The following DNAAF9 variants were observed in gnomAD, a reference collection of about 807,000 sequenced individuals.
DNAAF9 encodes the protein shulin.
DNAAF9 carries 90 observed loss-of-function variants against 167.0 expected under a neutral mutation model. The observed-to-expected ratio is 0.54, with a 90% CI of 0.45 to 0.64. The LOEUF is 0.64. Ranked by LOEUF, DNAAF9 falls within the 30% of genes least tolerant of loss-of-function variation. DNAAF9 has a pLI of 0.00. For synonymous variants in DNAAF9, 491 were observed against 508.8 expected (o/e 0.96, Z 0.47); for missense variants, 1,315 against 1,442.2 (o/e 0.91, Z 1.43).
chr20:3,334,564 A>G (rs2069901248), intron 10 of DNAAF9, among the ~76,000 whole-genome samples: 1 of 152,188 alleles, frequency 6.6e-6, no homozygotes, highest in South Asian at 2.1e-4. Flanking sequence ...TTGGGTAAAT[A>G]CCAAAAAGCG....
At chr20:3,348,325 G>A (rs928009371) in intron 8 of DNAAF9, among the ~76,000 whole-genome samples, 200 bp downstream of exon 8, 1 of 152,048 alleles carries the variant, frequency 6.6e-6, no homozygotes, top group African/African-American at 2.4e-5. Flanking sequence ...CCTTCTAATG[G>A]AGAAGCTGGC....
chr20:3,295,857 CA>C (rs2069065547), intron 23 of DNAAF9: 1 of 1,002,388 alleles, frequency 1.0e-6, no homozygotes, highest in Non-Finnish European at 1.6e-6. Context: ...CCCCAAACGA[CA>C]TCCTTTAATG....
intron 26 of DNAAF9, among the ~76,000 whole-genome samples, chr20:3,289,692 G>C (rs1055152053): frequency 6.6e-6 from 1 of 151,868 alleles, no homozygotes; most frequent in South Asian, 2.1e-4. Context: ...GCTAATTTTT[G>C]TATTTTTGTA....
At position 3,300,399 on chromosome 20, in the gene DNAAF9, G is replaced by A. The variant is rs75666848; in HGVS notation, c.1783-2224C>T. Among the ~76,000 whole-genome samples the A allele has an allele frequency of 9.0e-3, 1,368 of 151,926 alleles. 19 individuals are homozygous for A. Among genetic ancestry groups the A allele is most frequent in the African/African-American group, 0.032 (1,315 of 41,426 alleles). On this transcript the variant is annotated intron_variant, in intron 21 of 36. Coordinates refer to ENST00000252032, the MANE Select transcript of DNAAF9 (RefSeq NM_001009984.3). ...CAGTGTACAAGTCTCTCACTTTCTT[G>A]GTTAAATTTATTCCCTAGTACTTTA...
intron 17 of DNAAF9, among the ~76,000 whole-genome samples, chr20:3,317,382 C>A (rs1372976144): frequency 6.6e-5 from 9 of 136,696 alleles, no homozygotes; most frequent in African/African-American, 1.4e-4. Flanking sequence ...AAAAAAAAAA[C>A]CCCAAAACCA....
chr20:3,381,479 A>C lies in DNAAF9; in HGVS notation c.183T>G (p.Asn61Lys), dbSNP rs1277827949. 1 of 1,613,890 alleles carries C rather than the reference A, an allele frequency of 6.2e-7. No individual in the cohort carries two copies. Residue 61 changes from asparagine to lysine, a missense_variant, in exon 3 of 37, where the codon AAT becomes AAG. Asn to Lys is a moderately conservative substitution (Grantham distance 94). Transcript: ENST00000252032. ...AATTTGCCAGCTCTCTGCAGCCTTC[A>C]TTGTACCTGCTATCGATTCCTGCAA... ...LCILGIDSRY[N>K]EGCRELANYL...
chr20:3,342,377 T>C lies in DNAAF9; in HGVS notation c.845+1299A>G, dbSNP rs150537322. Among the ~76,000 whole-genome samples the C allele has an allele frequency of 1.7e-3, 266 of 152,312 alleles. 1 individual carries two copies. Among genetic ancestry groups the C allele is most frequent in the Middle Eastern group, 0.01 (3 of 294 alleles). On this transcript the variant is annotated intron_variant, in intron 9 of 36. Transcript: ENST00000252032. ...ACCAATCAGAGTTGGTAATAACAGA[T>C]TTCTTTGTTAAGATGTTTGATTAAT...
At chr20:3,290,069 G>T in intron 26 of DNAAF9, 60 bp downstream of exon 26, 2 of 1,068,230 alleles carry the variant, frequency 1.9e-6, no homozygotes, top group Non-Finnish European at 2.9e-6. Flanking sequence ...GTTTTCCAGT[G>T]CCTAGGCAGG....
At chr20:3,383,950 C>A (rs1458831939) in intron 1 of DNAAF9, among the ~76,000 whole-genome samples, 1 of 152,030 alleles carries the variant, frequency 6.6e-6, no homozygotes, top group Non-Finnish European at 1.5e-5. Context: ...AGATGTACAC[C>A]ACCATGCCTG....
intron 7 of DNAAF9, among the ~76,000 whole-genome samples, chr20:3,353,147 GTAAA>G (rs1398402514): frequency 1.3e-5 from 2 of 150,112 alleles, no homozygotes; most frequent in Admixed American, 6.7e-5. Flanking sequence ...GTATATATAT[GTAAA>G]TAAATATATA....
intron 1 of DNAAF9, among the ~76,000 whole-genome samples, chr20:3,387,936 T>C (rs1327564315): frequency 7.0e-6 from 1 of 141,964 alleles, no homozygotes; most frequent in Non-Finnish European, 1.5e-5. Context: ...TGTGGTAGCA[T>C]GTGCCTGCGG....
At chr20:3,268,183 C>G (rs1188427115) in intron 30 of DNAAF9, among the ~76,000 whole-genome samples, 2 of 151,876 alleles carry the variant, frequency 1.3e-5, no homozygotes, top group Non-Finnish European at 1.5e-5. Flanking sequence ...TGCCTGGCAC[C>G]ACGCCTGGCC....
intron 8 of DNAAF9, among the ~76,000 whole-genome samples, chr20:3,346,842 C>T (rs953266963): frequency 6.6e-6 from 1 of 152,084 alleles, no homozygotes; most frequent in Admixed American, 6.5e-5. Flanking sequence ...AAAAAGAACT[C>T]CCCAAACTGA....
At chr20:3,338,217 T>A (rs1264474700) in intron 10 of DNAAF9, among the ~76,000 whole-genome samples, 2 of 152,086 alleles carry the variant, frequency 1.3e-5, no homozygotes, top group Non-Finnish European at 2.9e-5. Context: ...CTTTTTCTTT[T>A]GAAGGATAAG....
intron 7 of DNAAF9, among the ~76,000 whole-genome samples, chr20:3,353,028 G>C (rs534223285): frequency 2.0e-5 from 3 of 149,052 alleles, no homozygotes; most frequent in Non-Finnish European, 4.4e-5. Context: ...GCAATAAAGT[G>C]ACATATCCTC....
intron 1 of DNAAF9, among the ~76,000 whole-genome samples, chr20:3,404,224 T>TG (rs1334567180): frequency 6.6e-6 from 1 of 151,160 alleles, no homozygotes; most frequent in Non-Finnish European, 1.5e-5. Flanking sequence ...TTAGTAGAGG[T>TG]GGGGTTTCAC....
At chr20:3,391,036 T>C (rs2083819455) in intron 1 of DNAAF9, among the ~76,000 whole-genome samples, 2 of 152,190 alleles carry the variant, frequency 1.3e-5, no homozygotes, top group African/African-American at 4.8e-5. Flanking sequence ...GCTCCCCAAC[T>C]ACTGCTGTAC....
intron 20 of DNAAF9, among the ~76,000 whole-genome samples, chr20:3,314,640 A>G (rs2069472161): frequency 6.6e-6 from 1 of 152,164 alleles, no homozygotes; most frequent in East Asian, 1.9e-4. Flanking sequence ...GCCTGCCTGA[A>G]CTTCTGACCT....
rs576922327 is a variant in DNAAF9 at position 3,295,111 on chromosome 20, C to T, written c.2019-482G>A. On this transcript the variant is annotated intron_variant, in intron 23 of 36. Transcript: ENST00000252032. ...GTCCCGATCTCCTGACCTCATGATC[C>T]GCCCACCTCGGCCTCCCAAAGTGCT... 4.6e-5 allele frequency among the ~76,000 whole-genome samples: 7 copies of T among 151,956 alleles called. No individual in the cohort carries two copies. The South Asian group carries it at 8.3e-4, about 18-fold the overall frequency.
Sources: gnomAD v4.1 joint callset for allele counts (sites outside exome capture counted in the v4.1 genomes callset) on GRCh38, gnomAD v4.1.1 for gene constraint, MANE v1.5 for transcripts, NCBI Gene and HGNC (gene_info 2026-07-23, HGNC 2026-07-21) for gene names.